Variants in PCDHGA7 observed in about 807,000 individuals in gnomAD.
PCDHGA7 encodes protocadherin gamma subfamily A, 7, also known as protocadherin gamma-A7.
In PCDHGA7, 44 loss-of-function variants were observed where a neutral mutation model predicts 58.3. The observed-to-expected ratio is 0.75, with a 90% confidence interval of 0.59 to 0.97. The LOEUF (loss-of-function observed/expected upper bound fraction) is 0.97, where lower values mean the gene tolerates loss of function less well. Ranked by LOEUF, PCDHGA7 falls within the 50% of genes least tolerant of loss-of-function variation. PCDHGA7 has a pLI of 0.00. For synonymous variants in PCDHGA7, 516 were observed against 504.2 expected, an observed-to-expected ratio of 1.02 and a Z score of -0.31; for missense variants, 1,266 against 1,188.7, an observed-to-expected ratio of 1.06 and a Z score of -0.96.
In PCDHGA7 at chr5:141,489,782, A is replaced by C. The variant is rs770399288; in HGVS notation, c.2425-5025A>C. On this transcript the variant is annotated intron_variant, in intron 1 of 3. Coordinates refer to ENST00000518325, the MANE Select transcript of PCDHGA7 (RefSeq NM_018920.4). The surrounding 1 kb of genome is among the most constrained non-coding windows in gnomAD (Gnocchi z 4.5). ...AGCCCCAACAGCCACTTCTCTCTGA[A>C]TGTGAAGACCCTAAAAGATGGGAAG... 2 of 1,614,078 alleles carry C rather than the reference A, an allele frequency of 1.2e-6. No homozygotes were observed. The highest frequency in any genetic ancestry group is 2.2e-5 in the East Asian group (1 of 44,894).
intron 1 of PCDHGA7, chr5:141,390,140 A>G (rs747174609): frequency 3.5e-5 from 57 of 1,613,798 alleles, no homozygotes; most frequent in Middle Eastern, 1.6e-4. Context: ...CCTACAATCT[A>G]TGTGTTGCAC....
At chr5:141,410,762 T>C in intron 1 of PCDHGA7, 1 of 1,171,656 alleles carries the variant, frequency 8.5e-7, no homozygotes, top group Non-Finnish European at 1.2e-6. Flanking sequence ...GTTTTTTCAA[T>C]TATAGTTTTC....
At chr5:141,418,646 A>C (rs986717136) in intron 1 of PCDHGA7, 2 of 1,614,010 alleles carry the variant, frequency 1.2e-6, no homozygotes, top group Admixed American at 3.3e-5. Context: ...CTCCATCCTG[A>C]GAGTGAAGGC....
chr5:141,432,874 G>A lies in PCDHGA7; in HGVS notation c.2424+47551G>A, dbSNP rs2097545539. 2 of 1,614,176 alleles carry A rather than the reference G, an allele frequency of 1.2e-6. No homozygotes were observed. The highest frequency in any genetic ancestry group is 1.7e-6 in the Non-Finnish European group (2 of 1,180,014). Reference sequence around the variant, plus strand: ...TGGCCGCGGTCTCCTGCGTCTTCCTGGCCTTCGTCATCTTGCTGCTGGCGC... The same window carrying A: ...TGGCCGCGGTCTCCTGCGTCTTCCTAGCCTTCGTCATCTTGCTGCTGGCGC... On this transcript the variant is annotated intron_variant, in intron 1 of 3. Transcript: ENST00000518325. This position sits in a 1 kb window ranked among gnomAD's most constrained non-coding sequence, Gnocchi z 6.0.
intron 1 of PCDHGA7, chr5:141,393,683 G>A (rs370409157): frequency 9.9e-6 from 16 of 1,613,730 alleles, no homozygotes; most frequent in South Asian, 8.8e-5. Context: ...AACAAACTCC[G>A]TTATTCCAGC....
chr5:141,413,398 A>G lies in PCDHGA7; in HGVS notation c.2424+28075A>G, dbSNP rs780416951. The G allele has an allele frequency of 1.9e-5, 30 of 1,613,944 alleles. No homozygotes were observed. Among genetic ancestry groups the G allele is most frequent in the African/African-American group, 4.0e-5 (3 of 74,960 alleles). Reference sequence around the variant, plus strand: ...CGGAGTCCGCATAGTCTCCAGAGGTAGGACGCAGCTTTTCTCTCTGAACCC... The same window carrying G: ...CGGAGTCCGCATAGTCTCCAGAGGTGGGACGCAGCTTTTCTCTCTGAACCC... On this transcript the variant is annotated intron_variant, in intron 1 of 3. Transcript: ENST00000518325.
chr5:141,487,688 G>T lies in PCDHGA7; in HGVS notation c.2425-7119G>T, dbSNP rs376927186. ...AGGCATATGGCTAGGCCATGTCCTAGAGAGTACTGGCCTCTCAGTAAGTGC... is the reference window on the plus strand; with the variant it reads ...AGGCATATGGCTAGGCCATGTCCTATAGAGTACTGGCCTCTCAGTAAGTGC... On this transcript the variant is annotated intron_variant, in intron 1 of 3. Coordinates refer to ENST00000518325, the MANE Select transcript of PCDHGA7 (RefSeq NM_018920.4). The surrounding 1 kb of genome is among the most constrained non-coding windows in gnomAD (Gnocchi z 5.0). 1.2e-6 allele frequency: 2 copies of T among 1,604,966 alleles called. No individual in the cohort carries two copies.
intron 1 of PCDHGA7, chr5:141,405,447 T>C (rs2094668355): frequency 7.5e-7 from 1 of 1,339,134 alleles, no homozygotes; most frequent in South Asian, 1.3e-5. Flanking sequence ...TGAGACAGAG[T>C]CTTACTCTGT....
chr5:141,394,807 C>G (rs943252788), intron 1 of PCDHGA7: 3 of 1,613,886 alleles, frequency 1.9e-6, no homozygotes, highest in African/African-American at 2.7e-5. Context: ...GTAGCCGTGG[C>G]TGACAGCATC....
chr5:141,406,555 A>G (rs2094824314), intron 1 of PCDHGA7, among the ~76,000 whole-genome samples: 1 of 152,224 alleles, frequency 6.6e-6, no homozygotes. Context: ...TCAGTTATCC[A>G]CTTCCAAACC....
At chr5:141,415,315 G>A (rs201784236) in intron 1 of PCDHGA7, 2 of 1,614,220 alleles carry the variant, frequency 1.2e-6, no homozygotes, top group Middle Eastern at 1.6e-4. Context: ...CTTCGTCATC[G>A]TGCTGCTGGC....
intron 1 of PCDHGA7, chr5:141,402,898 T>C: frequency 6.6e-7 from 1 of 1,512,304 alleles, no homozygotes; most frequent in Non-Finnish European, 8.8e-7. Context: ...AGAAAGAACC[T>C]GATGAAGCAG....
chr5:141,497,540 CTT>C (rs754207034), intron 2 of PCDHGA7, among the ~76,000 whole-genome samples: 114 of 134,852 alleles, frequency 8.5e-4, no homozygotes, highest in Middle Eastern at 3.7e-3. Context: ...TGCAACAAAC[CTT>C]TTTTTTTTTT....
chr5:141,421,064 G>A (rs2096543646), intron 1 of PCDHGA7: 2 of 593,294 alleles, frequency 3.4e-6, no homozygotes, highest in Non-Finnish European at 5.7e-6. Context: ...ACACAAAGCG[G>A]AATGAGATGG....
At chr5:141,393,617 C>A (rs746699091) in intron 1 of PCDHGA7, 4 of 1,613,770 alleles carry the variant, frequency 2.5e-6, no homozygotes, top group African/African-American at 2.7e-5. Context: ...CAGCCAGCGA[C>A]CCGGATGAGG....
intron 1 of PCDHGA7, chr5:141,400,049 C>G (rs1242848324): frequency 6.2e-7 from 1 of 1,613,572 alleles, no homozygotes; most frequent in Non-Finnish European, 8.5e-7. Context: ...CTGCTGGTTG[C>G]TGTGCGTGAT....
In PCDHGA7 at chr5:141,486,667, G is replaced by A; in HGVS notation, c.2425-8140G>A. On this transcript the variant is annotated intron_variant, in intron 1 of 3. Coordinates refer to ENST00000518325, the MANE Select transcript of PCDHGA7 (RefSeq NM_018920.4). The surrounding 1 kb of genome is among the most constrained non-coding windows in gnomAD (Gnocchi z 5.0). ...TCTCCTACTCACTCCTGGAGCCCAG[G>A]AATCGAGATGTATCAGCTTCCTCTT... 4 of 1,613,948 alleles carry A rather than the reference G, an allele frequency of 2.5e-6. No individual in the cohort carries two copies. Among genetic ancestry groups the A allele is most frequent in the Non-Finnish European group, 3.4e-6 (4 of 1,180,014 alleles).
chr5:141,485,745 T>C lies in PCDHGA7; in HGVS notation c.2425-9062T>C. 3 of 1,614,146 alleles carry C rather than the reference T, an allele frequency of 1.9e-6. No individual in the cohort carries two copies. Among genetic ancestry groups the C allele is most frequent in the Non-Finnish European group, 2.5e-6 (3 of 1,179,986 alleles). ...AAGAAGCGCAGCGACGGCAGCCTGGTCCCAGAGCTGCTCCTGGAGAAGCCT... is the reference window on the plus strand; with the variant it reads ...AAGAAGCGCAGCGACGGCAGCCTGGCCCCAGAGCTGCTCCTGGAGAAGCCT... On this transcript the variant is annotated intron_variant, in intron 1 of 3. Transcript: ENST00000518325. This position sits in a 1 kb window ranked among gnomAD's most constrained non-coding sequence, Gnocchi z 5.7.
rs1210499024 is a variant in PCDHGA7 at position 141,431,784 on chromosome 5, A to T, written c.2424+46461A>T. ...CTGATCACTGTTCTGGACGTGAACG[A>T]CAATGCCCCAGAAGTGGTCCTCACC... On this transcript the variant is annotated intron_variant, in intron 1 of 3. Transcript: ENST00000518325. This position sits in a 1 kb window ranked among gnomAD's most constrained non-coding sequence, Gnocchi z 4.8. The T allele has an allele frequency of 6.2e-7, 1 of 1,614,102 alleles. No homozygotes were observed. The highest frequency in any genetic ancestry group is 8.5e-7 in the Non-Finnish European group (1 of 1,180,030).
Sources: gnomAD v4.1 joint callset for allele counts (sites outside exome capture counted in the v4.1 genomes callset) on GRCh38, gnomAD v4.1.1 for gene constraint, Gnocchi (gnomAD v3.1) non-coding constraint, MANE v1.5 for transcripts, NCBI Gene and HGNC (gene_info 2026-07-23, HGNC 2026-07-21) for gene names.